The following PSKH1 variants were observed in gnomAD, a reference collection of about 807,000 sequenced individuals.
PSKH1 encodes the protein serine/threonine-protein kinase H1.
In PSKH1, 12 loss-of-function variants were observed where a neutral mutation model predicts 26.7. The ratio of observed to expected loss-of-function variants is 0.45; its 90% CI spans 0.29 to 0.73. The LOEUF (loss-of-function observed/expected upper bound fraction) is 0.73. Ranked by LOEUF, PSKH1 falls within the 30% of genes least tolerant of loss-of-function variation. PSKH1 has a pLI of 0.11. For synonymous variants in PSKH1, 213 were observed against 234.3 expected (o/e 0.91, Z 0.83); for missense variants, 431 against 595.2 (o/e 0.72, Z 2.87).
intron 2 of PSKH1, among the ~76,000 whole-genome samples, chr16:67,926,756 C>T (rs1011251359): frequency 2.6e-5 from 4 of 151,832 alleles, no homozygotes; most frequent in South Asian, 2.1e-4. Context: ...GTCCCGGGAT[C>T]GCCTGCCCTC....
At chr16:67,900,794 G>A (rs2058139593) in intron 1 of PSKH1, among the ~76,000 whole-genome samples, 2 of 152,118 alleles carry the variant, frequency 1.3e-5, no homozygotes, top group African/African-American at 4.8e-5. Context: ...GCAGACTCTA[G>A]AGAGTTGGGT....
In PSKH1 at chr16:67,909,866, G is replaced by C. The variant is rs578183308; in HGVS notation, c.957+160G>C. The C allele has an allele frequency of 1.4e-6, 1 of 698,918 alleles. No homozygotes were observed. The highest frequency in any genetic ancestry group is 2.4e-6 in the Non-Finnish European group (1 of 422,346). The allele number at this position is 698,918 out of a possible 1,614,324, so 43.3% of individuals were successfully genotyped here. ...AGTGAGACTATCAGAATGTAGTTTGGGTTCCCTCAAGGTGAGCCCTGAGAC... is the reference window on the plus strand; with the variant it reads ...AGTGAGACTATCAGAATGTAGTTTGCGTTCCCTCAAGGTGAGCCCTGAGAC... On this transcript the variant is annotated intron_variant, in intron 2 of 2. Coordinates refer to ENST00000291041, the MANE Select transcript of PSKH1 (RefSeq NM_006742.3). This position sits in a 1 kb window ranked among gnomAD's most constrained non-coding sequence, Gnocchi z 7.8.
chr16:67,902,487 G>A (rs1018927067), intron 1 of PSKH1, among the ~76,000 whole-genome samples: 1 of 151,874 alleles, frequency 6.6e-6, no homozygotes, highest in Admixed American at 6.6e-5. Context: ...AGTAGAGACG[G>A]GGTTTCACCC....
chr16:67,914,954 A>G (rs2058183102), intron 2 of PSKH1, among the ~76,000 whole-genome samples: 1 of 152,148 alleles, frequency 6.6e-6, no homozygotes, highest in South Asian at 2.1e-4. Flanking sequence ...GGTTTGCCTG[A>G]GTTCCTGATT....
In PSKH1 at chr16:67,902,364, G is replaced by A. The variant is rs189224947; in HGVS notation, c.-70-6316G>A. Among the ~76,000 whole-genome samples the A allele has an allele frequency of 6.1e-4, 92 of 152,024 alleles. 1 individual carries two copies. The East Asian group carries it at 0.014, about 24-fold the overall frequency. ...CACCCAGGCTGGAGTACAGTGGTGC[G>A]ATCTCGGCTCACTGCAGCCTCCCTG... On this transcript the variant is annotated intron_variant, in intron 1 of 2. Transcript: ENST00000291041.
intron 2 of PSKH1, among the ~76,000 whole-genome samples, chr16:67,923,222 G>A (rs2058207724): frequency 6.6e-6 from 1 of 152,156 alleles, no homozygotes; most frequent in South Asian, 2.1e-4. Flanking sequence ...TCACGGAAGA[G>A]GTCGCTTCCC....
chr16:67,909,436 G>C lies in PSKH1; in HGVS notation c.687G>C (p.Pro229=), dbSNP rs149085628. Residue 229 remains proline (P), a synonymous_variant, in exon 2 of 3, where the codon CCG becomes CCC. Coordinates refer to ENST00000291041, the MANE Select transcript of PSKH1 (RefSeq NM_006742.3). The surrounding 1 kb of genome is among the most constrained non-coding windows in gnomAD (Gnocchi z 7.8). ...CTGAGAATCTGCTCTACTACCATCC[G>C]GGCACTGACTCCAAGATCATCATCA... ...LKPENLLYYH[P]GTDSKIIITD... 2 of 1,613,126 alleles carry C rather than the reference G, an allele frequency of 1.2e-6. No individual in the cohort carries two copies. Among genetic ancestry groups the C allele is most frequent in the Non-Finnish European group, 1.7e-6 (2 of 1,179,956 alleles).
chr16:67,905,242 C>T (rs892665468), intron 1 of PSKH1, among the ~76,000 whole-genome samples: 1 of 152,138 alleles, frequency 6.6e-6, no homozygotes, highest in Non-Finnish European at 1.5e-5. Context: ...TCCTTCACTT[C>T]CCAGGAAGGT....
At chr16:67,919,172 T>A (rs971241008) in intron 2 of PSKH1, among the ~76,000 whole-genome samples, 1 of 151,998 alleles carries the variant, frequency 6.6e-6, no homozygotes, top group Admixed American at 6.6e-5. Context: ...GGTGGCAGAG[T>A]GGAGGCAGGG....
At chr16:67,917,328 C>G (rs965600964) in intron 2 of PSKH1, among the ~76,000 whole-genome samples, 5 of 152,254 alleles carry the variant, frequency 3.3e-5, no homozygotes, top group African/African-American at 4.8e-5. Context: ...GCAGTCTGCT[C>G]TCCCTGGTAT....
intron 1 of PSKH1, among the ~76,000 whole-genome samples, chr16:67,904,016 A>AT (rs58819890): frequency 0.028 from 3,528 of 126,464 alleles, 57 homozygotes; most frequent in Non-Finnish European, 0.033. Context: ...TACCCAGCTG[A>AT]TTTTTTTTTT....
intron 1 of PSKH1, among the ~76,000 whole-genome samples, chr16:67,896,839 A>G (rs1040024692): frequency 2.0e-5 from 3 of 152,206 alleles, no homozygotes; most frequent in African/African-American, 7.2e-5. Context: ...TGCAGCCTTC[A>G]GGAAACCTGT....
At chr16:67,897,587 C>T (rs978720165) in intron 1 of PSKH1, among the ~76,000 whole-genome samples, 14 of 152,194 alleles carry the variant, frequency 9.2e-5, no homozygotes, top group Middle Eastern at 3.4e-3. Flanking sequence ...TTTTGTTTGT[C>T]GCAATCTCTG....
Position 67,927,861 on chromosome 16 carries a change from C to A in PSKH1, c.*219C>A. The A allele has an allele frequency of 1.7e-6, 1 of 597,134 alleles. No homozygotes were observed. The highest frequency in any genetic ancestry group is 2.9e-6 in the Non-Finnish European group (1 of 346,488). 37.0% of individuals were successfully genotyped at this position (597,134 alleles called of 1,614,324 possible). A position where few individuals can be genotyped will look rare whatever the true frequency, so the allele number is the denominator to read the frequency against. On this transcript the variant is annotated 3_prime_UTR_variant, in exon 3 of 3. Coordinates refer to ENST00000291041, the MANE Select transcript of PSKH1 (RefSeq NM_006742.3). This position sits in a 1 kb window ranked among gnomAD's most constrained non-coding sequence, Gnocchi z 5.5. ...GAGGTAGCACAGGGGGCTGTGACTCCCCCTGAACTGGGAGCCTGGCCTGGC... is the reference window on the plus strand; with the variant it reads ...GAGGTAGCACAGGGGGCTGTGACTCACCCTGAACTGGGAGCCTGGCCTGGC...
chr16:67,921,305 T>C (rs986850787), intron 2 of PSKH1, among the ~76,000 whole-genome samples: 1 of 149,790 alleles, frequency 6.7e-6, no homozygotes, highest in African/African-American at 2.5e-5. Context: ...TGCCAGGTGC[T>C]GTGGCTCACG....
At chr16:67,916,683 G>A (rs1024649649) in intron 2 of PSKH1, among the ~76,000 whole-genome samples, 13 of 152,114 alleles carry the variant, frequency 8.5e-5, no homozygotes, top group African/African-American at 3.1e-4. Context: ...CTAGCTGGAG[G>A]CTACTGGAAT....
chr16:67,901,552 C>G (rs536144679), intron 1 of PSKH1, among the ~76,000 whole-genome samples: 1 of 151,478 alleles, frequency 6.6e-6, no homozygotes, highest in African/African-American at 2.4e-5. Context: ...CAGGCTGGCT[C>G]AAACTCCTGA....
intron 1 of PSKH1, among the ~76,000 whole-genome samples, chr16:67,908,059 G>A (rs1237683265): frequency 2.0e-5 from 3 of 152,324 alleles, no homozygotes; most frequent in Admixed American, 6.5e-5. Context: ...AGGCAGAGGA[G>A]TGAGGAGGGT....
chr16:67,897,923 TTGCAAGCTC>T (rs1445152794), intron 1 of PSKH1, among the ~76,000 whole-genome samples: 2 of 152,008 alleles, frequency 1.3e-5, no homozygotes, highest in East Asian at 3.9e-4. Context: ...TCTTGGCTCA[TTGCAAGCTC>T]TGCCTTCCGG....
Sources: allele counts gnomAD v4.1 joint callset (sites outside exome capture counted in the v4.1 genomes callset), GRCh38; gene constraint gnomAD v4.1.1; non-coding constraint Gnocchi (gnomAD v3.1); transcripts MANE v1.5; gene names NCBI Gene and HGNC (gene_info 2026-07-23, HGNC 2026-07-21).